ABCC4: variants seen among roughly 807,000 people sequenced by gnomAD.
ABCC4 encodes ATP-binding cassette sub-family C member 4.
In ABCC4, 102 loss-of-function variants were observed where a neutral mutation model predicts 168.5. The ratio of observed to expected loss-of-function variants is 0.61; its 90% CI spans 0.52 to 0.71. ABCC4 has a LOEUF of 0.71. Ranked by LOEUF, ABCC4 falls within the 30% of genes least tolerant of loss-of-function variation. The pLI is 0.00. For missense variants in ABCC4, 1,402 were observed against 1,605.8 expected (o/e 0.87, Z 2.17); for synonymous variants, 617 against 590.7 (o/e 1.04, Z -0.65).
At chr13:95,206,039 AAC>A (rs1455912817) in intron 8 of ABCC4, among the ~76,000 whole-genome samples, 1 of 152,210 alleles carries the variant, frequency 6.6e-6, no homozygotes, top group Admixed American at 6.5e-5. Flanking sequence ...CACAGAAATT[AAC>A]AAGGAAAACA....
At chr13:95,086,087 T>TTGTGTGTGTGTGTG (rs55973195) in intron 20 of ABCC4, among the ~76,000 whole-genome samples, 6,880 of 141,964 alleles carry the variant, frequency 0.048, 211 homozygotes, top group South Asian at 0.087. Flanking sequence ...TTTAAGGTTA[T>TTGTGTGTGTGTGTG]TGTGTGTGTG....
chr13:95,182,849 C>A (rs952082640), intron 11 of ABCC4, among the ~76,000 whole-genome samples: 1 of 152,104 alleles, frequency 6.6e-6, no homozygotes, highest in African/African-American at 2.4e-5. Flanking sequence ...TATGTTGTTT[C>A]CTGAGGTATG....
chr13:95,063,605 A>C (rs2033383670), intron 25 of ABCC4, among the ~76,000 whole-genome samples: 1 of 152,224 alleles, frequency 6.6e-6, no homozygotes, highest in Non-Finnish European at 1.5e-5. Flanking sequence ...TCATCTGCAC[A>C]GTTCAAAAGG....
intron 1 of ABCC4, among the ~76,000 whole-genome samples, chr13:95,275,465 C>A (rs145159856): frequency 7.2e-5 from 11 of 152,166 alleles, no homozygotes; most frequent in African/African-American, 9.6e-5. Context: ...TGTGGCTCTG[C>A]GCCAGAATCA....
At chr13:95,091,999 C>G (rs934487439) in intron 20 of ABCC4, among the ~76,000 whole-genome samples, 3 of 152,100 alleles carry the variant, frequency 2.0e-5, no homozygotes, top group African/African-American at 7.2e-5. Context: ...TGAAACACAG[C>G]AGGGGCAGCT....
intron 13 of ABCC4, among the ~76,000 whole-genome samples, chr13:95,171,159 T>C (rs988186547): frequency 4.7e-5 from 7 of 148,148 alleles, no homozygotes; most frequent in African/African-American, 1.5e-4. Context: ...CAAATGCTAG[T>C]GACATGTGAC....
At chr13:95,256,661 G>C (rs1045228803) in intron 1 of ABCC4, among the ~76,000 whole-genome samples, 3 of 152,116 alleles carry the variant, frequency 2.0e-5, no homozygotes, top group Non-Finnish European at 4.4e-5. Context: ...AGGAGACTGA[G>C]GTGGGAGAAT....
At chr13:95,210,598 G>A (rs2038925220) in intron 5 of ABCC4, 94 bp downstream of exon 5, 1 of 1,019,628 alleles carries the variant, frequency 9.8e-7, no homozygotes. Flanking sequence ...CTGCAATCCA[G>A]TGTGAACAGA....
At chr13:95,054,624 T>C (rs16950515) in intron 26 of ABCC4, among the ~76,000 whole-genome samples, 2 of 151,670 alleles carry the variant, frequency 1.3e-5, no homozygotes, top group South Asian at 2.1e-4. Flanking sequence ...CATAAGGATA[T>C]AGGAGCCCCA....
chr13:95,288,502 G>C (rs2041315686), intron 1 of ABCC4, among the ~76,000 whole-genome samples: 1 of 152,108 alleles, frequency 6.6e-6, no homozygotes, highest in African/African-American at 2.4e-5. Flanking sequence ...AATAAAAAAG[G>C]CATGATAAAA....
chr13:95,206,247 G>T (rs1260971920), intron 8 of ABCC4, among the ~76,000 whole-genome samples: 2 of 152,142 alleles, frequency 1.3e-5, no homozygotes. Context: ...CCTGCTTTTA[G>T]ACAGCTTAGA....
chr13:95,204,634 T>C (rs1215991189), intron 8 of ABCC4, among the ~76,000 whole-genome samples: 1 of 152,198 alleles, frequency 6.6e-6, no homozygotes, highest in Non-Finnish European at 1.5e-5. Flanking sequence ...CAATTAAACC[T>C]CTTTCCAATA....
rs1435115731 is a variant in ABCC4 at position 95,043,756 on chromosome 13, C to G, written c.3661G>C (p.Glu1221Gln). ...TDELIQKKIR[E>Q]KFAHCTVLTI... ...AGCACGGTGCAGTGGGCAAATTTCT[C>G]CCGGATTTTTTTTTGTATTAACTCA... Residue 1221 changes from glutamate to glutamine, a missense_variant, in exon 29 of 31, where the codon GAG becomes CAG. Glu to Gln is a conservative substitution (Grantham distance 29). Transcript: ENST00000645237. 4 of 1,613,616 alleles carry G rather than the reference C, an allele frequency of 2.5e-6. No individual in the cohort carries two copies. The highest frequency in any genetic ancestry group is 3.4e-6 in the Non-Finnish European group (4 of 1,179,906).
chr13:95,069,207 G>C (rs944652060), intron 25 of ABCC4, among the ~76,000 whole-genome samples: 1 of 152,250 alleles, frequency 6.6e-6, no homozygotes, highest in East Asian at 1.9e-4. Context: ...GGGAGCTGTC[G>C]TGTGTGTTTT....
chr13:95,293,746 T>A (rs2041459239), intron 1 of ABCC4, among the ~76,000 whole-genome samples: 1 of 150,288 alleles, frequency 6.7e-6, no homozygotes, highest in Non-Finnish European at 1.5e-5. Context: ...ATTACAGGCA[T>A]AAGCCACCGC....
chr13:95,061,527 A>G (rs1320686561), intron 26 of ABCC4, among the ~76,000 whole-genome samples: 2 of 152,130 alleles, frequency 1.3e-5, no homozygotes, highest in East Asian at 3.9e-4. Context: ...ACATGCCCAG[A>G]AAGCTCATTA....
At chr13:95,236,588 ACGCG>A (rs931391552) in intron 3 of ABCC4, among the ~76,000 whole-genome samples, 1 of 41,818 alleles carries the variant, frequency 2.4e-5, no homozygotes, top group Non-Finnish European at 5.9e-5. Flanking sequence ...CGGCATGTGA[ACGCG>A]CGCGTGCGCG....
At chr13:95,274,240 G>C (rs2040915929) in intron 1 of ABCC4, among the ~76,000 whole-genome samples, 1 of 152,062 alleles carries the variant, frequency 6.6e-6, no homozygotes, top group South Asian at 2.1e-4. Flanking sequence ...CCTTTGTACT[G>C]TTTATATTTT....
intron 1 of ABCC4, among the ~76,000 whole-genome samples, chr13:95,287,402 C>G (rs1301291934): frequency 6.6e-6 from 1 of 152,048 alleles, no homozygotes; most frequent in Non-Finnish European, 1.5e-5. Flanking sequence ...GCCTGGCCAA[C>G]ATGGTGAAAC....
Sources: allele counts gnomAD v4.1 joint callset (sites outside exome capture counted in the v4.1 genomes callset), GRCh38; gene constraint gnomAD v4.1.1; transcripts MANE v1.5; gene names NCBI Gene and HGNC (gene_info 2026-07-23, HGNC 2026-07-21).